SH3BGRL2: variants seen among roughly 807,000 people sequenced by gnomAD.
SH3BGRL2 encodes SH3 domain-binding glutamic acid-rich-like protein 2.
A neutral mutation model predicts 14.8 loss-of-function variants in SH3BGRL2; 21 were observed. That is an observed-to-expected ratio of 1.42 (90% CI 1.01 to 2.05). The LOEUF is 2.05. SH3BGRL2 is among the 30% of genes most tolerant of loss of function. The pLI, the probability that SH3BGRL2 is intolerant of heterozygous loss-of-function variation, is 0.00. For missense variants in SH3BGRL2, 147 were observed against 130.8 expected (o/e 1.12, Z -0.61); for synonymous variants, 50 against 47.8 (o/e 1.05, Z -0.19).
intron 1 of SH3BGRL2, 57 bp from the exon 2 acceptor site, chr6:79,673,557 A>G: frequency 6.5e-7 from 1 of 1,545,258 alleles, no homozygotes. Context: ...GTTTGGAAGT[A>G]TATACATACT....
intron 1 of SH3BGRL2, among the ~76,000 whole-genome samples, chr6:79,660,329 G>T (rs1015184871): frequency 6.6e-6 from 1 of 152,110 alleles, no homozygotes; most frequent in African/African-American, 2.4e-5. Flanking sequence ...TACCTAGTTT[G>T]TTGAGAGTTT....
the SH3BGRL2 span, among the ~76,000 whole-genome samples, chr6:79,612,055 T>G: frequency 7.3e-3 from 1,109 of 152,232 alleles, 16 homozygotes; most frequent in African/African-American, 0.025. Flanking sequence ...CTCAGCACTT[T>G]GAGAGGGCAA....
the SH3BGRL2 span, among the ~76,000 whole-genome samples, chr6:79,597,698 C>T: frequency 6.6e-6 from 1 of 152,218 alleles, no homozygotes; most frequent in Non-Finnish European, 1.5e-5. Context: ...TGACTTTGAA[C>T]ATGGCAATGA....
At chr6:79,582,479 C>A in the SH3BGRL2 span, among the ~76,000 whole-genome samples, 36 of 152,228 alleles carry the variant, frequency 2.4e-4, no homozygotes, top group East Asian at 6.9e-3. Flanking sequence ...GGAAATAACA[C>A]CACACATCTA....
chr6:79,686,704 G>A (rs1271411616), intron 2 of SH3BGRL2, among the ~76,000 whole-genome samples: 6 of 152,084 alleles, frequency 3.9e-5, no homozygotes, highest in Non-Finnish European at 7.4e-5. Flanking sequence ...TATTCTGTAA[G>A]TTATCTCTAT....
At chr6:79,626,010 G>A in the SH3BGRL2 span, among the ~76,000 whole-genome samples, 1 of 152,188 alleles carries the variant, frequency 6.6e-6, no homozygotes, top group African/African-American at 2.4e-5. Flanking sequence ...AGCATGGTGT[G>A]GGCACTGTGA....
chr6:79,551,029 G>C, the SH3BGRL2 span, among the ~76,000 whole-genome samples: 1 of 152,174 alleles, frequency 6.6e-6, no homozygotes, highest in South Asian at 2.1e-4. Context: ...CAGTGTGCCA[G>C]TCTACTATGG....
the SH3BGRL2 span, among the ~76,000 whole-genome samples, chr6:79,552,344 A>C: frequency 6.6e-6 from 1 of 152,200 alleles, no homozygotes; most frequent in Non-Finnish European, 1.5e-5. Context: ...AAAAAGAAAA[A>C]CCTTGTGGCA....
chr6:79,563,131 ATT>A, the SH3BGRL2 span, among the ~76,000 whole-genome samples: 9 of 146,526 alleles, frequency 6.1e-5, no homozygotes, highest in South Asian at 2.1e-4. Context: ...AATTTTTTGA[ATT>A]TTTTTTTTGT....
intron 1 of SH3BGRL2, among the ~76,000 whole-genome samples, chr6:79,663,801 G>C (rs1423254223): frequency 6.6e-6 from 1 of 152,338 alleles, no homozygotes; most frequent in East Asian, 1.9e-4. Context: ...TGTAGGCCCT[G>C]CTGAGCTGTG....
Position 79,699,645 on chromosome 6 carries a change from T to C in SH3BGRL2, c.*136T>C. ...ACTTTGCTTGCCACGGAAAAGGTGT[T>C]TTTGAAAGATGTGGCTATAATGAGA... is the stretch of plus-strand genomic sequence containing the variant. On this transcript the variant is annotated 3_prime_UTR_variant, in exon 4 of 4. Transcript: ENST00000369838. 1 of 1,204,238 alleles carries C rather than the reference T, an allele frequency of 8.3e-7. No homozygotes were observed. Among genetic ancestry groups the C allele is most frequent in the Non-Finnish European group, 1.1e-6 (1 of 902,228 alleles). 74.6% of individuals were successfully genotyped at this position (1,204,238 alleles called of 1,614,324 possible).
Position 79,699,862 on chromosome 6 carries a change from A to C in SH3BGRL2, c.*353A>C, listed in dbSNP as rs1770418547. ...TGCCCTAGGTTATAGTAGATGCCGG[A>C]ATTGCGTAAACCCACTTCTCTTTAA... On this transcript the variant is annotated 3_prime_UTR_variant, in exon 4 of 4. Transcript: ENST00000369838. 3.6e-6 allele frequency: 1 copy of C among 279,150 alleles called. No individual in the cohort carries two copies. Among genetic ancestry groups the C allele is most frequent in the Non-Finnish European group, 6.6e-6 (1 of 151,988 alleles). The allele number at this position is 279,150 out of a possible 1,614,324, so 17.3% of individuals were successfully genotyped here.
In SH3BGRL2 at chr6:79,660,807, C is replaced by T. The variant is rs56873634; in HGVS notation, c.46-12807C>T. Among the ~76,000 whole-genome samples the T allele has an allele frequency of 7.5e-3, 1,144 of 152,212 alleles. 55 individuals carry two copies. The East Asian group carries it at 0.15, about 20-fold the overall frequency. On this transcript the variant is annotated intron_variant, in intron 1 of 3. Coordinates refer to ENST00000369838, the MANE Select transcript of SH3BGRL2 (RefSeq NM_031469.4). Reference sequence around the variant, plus strand: ...GTTGATAGGCTATTCATTATTGCCTCGATTTCAGAACCTGTTATTGGTCTA... The same window carrying T: ...GTTGATAGGCTATTCATTATTGCCTTGATTTCAGAACCTGTTATTGGTCTA...
intron 2 of SH3BGRL2, among the ~76,000 whole-genome samples, chr6:79,684,899 T>G (rs1174144260): frequency 6.6e-6 from 1 of 152,186 alleles, no homozygotes; most frequent in Non-Finnish European, 1.5e-5. Flanking sequence ...CCTGTAAATA[T>G]TCATATGTGG....
the SH3BGRL2 span, among the ~76,000 whole-genome samples, chr6:79,546,337 G>A: frequency 1.3e-5 from 2 of 152,074 alleles, no homozygotes; most frequent in Non-Finnish European, 2.9e-5. Context: ...GGTTTTTCCT[G>A]CTGCCTCAGA....
At chr6:79,616,140 A>G in the SH3BGRL2 span, among the ~76,000 whole-genome samples, 86,197 of 151,966 alleles carry the variant, frequency 0.57, 24,626 homozygotes, top group East Asian at 0.78. Flanking sequence ...TTTCTTAAGA[A>G]TCTTATTTTG....
rs1167851589 is a variant in SH3BGRL2, at chr6:79,693,466, C to T, written c.232-3019C>T. Among the ~76,000 whole-genome samples the T allele has an allele frequency of 1.5e-4, 23 of 150,600 alleles. 1 individual carries two copies. The highest frequency in any genetic ancestry group is 5.7e-4 in the African/African-American group (23 of 40,308). On this transcript the variant is annotated intron_variant, in intron 2 of 3. Coordinates refer to ENST00000369838, the MANE Select transcript of SH3BGRL2 (RefSeq NM_031469.4). ...TCAAAGGGAATGCTTCCAGTTTTTG[C>T]CCATTCAGTATGATATTGGCTGTGG...
chr6:79,557,500 G>C, the SH3BGRL2 span, among the ~76,000 whole-genome samples: 2 of 152,026 alleles, frequency 1.3e-5, no homozygotes, highest in East Asian at 3.9e-4. Flanking sequence ...ATCCAGTATA[G>C]GTTTTTAAAA....
chr6:79,625,796 G>C, the SH3BGRL2 span, among the ~76,000 whole-genome samples: 1 of 152,206 alleles, frequency 6.6e-6, no homozygotes, highest in Admixed American at 6.5e-5. Context: ...AGATAAGGAA[G>C]ATGAGGTATT....
Sources: allele counts gnomAD v4.1 joint callset (sites outside exome capture counted in the v4.1 genomes callset), GRCh38; gene constraint gnomAD v4.1.1; transcripts MANE v1.5; gene names NCBI Gene and HGNC (gene_info 2026-07-23, HGNC 2026-07-21).